The following GRIA2 variants were observed in gnomAD, a reference collection of about 807,000 sequenced individuals.
GRIA2 encodes the protein glutamate ionotropic receptor AMPA type subunit 2.
Under a neutral mutation model 97.3 loss-of-function variants are expected in GRIA2, and 14 were observed. The ratio of observed to expected loss-of-function variants is 0.14; its 90% CI spans 0.10 to 0.23. GRIA2 has a LOEUF of 0.23. GRIA2 is among the 10% of genes least tolerant of loss of function. The pLI is 1.00. For missense variants in GRIA2, 558 were observed against 1,069.8 expected (o/e 0.52, Z 6.67); for synonymous variants, 412 against 387.8 (o/e 1.06, Z -0.73).
intron 2 of GRIA2, among the ~76,000 whole-genome samples, chr4:157,256,180 T>C (rs1183821923): frequency 7.3e-6 from 1 of 137,644 alleles, no homozygotes; most frequent in South Asian, 2.1e-4. Flanking sequence ...ATATATTATA[T>C]ATAATATATA....
At chr4:157,332,653 G>T (rs952250541) in intron 6 of GRIA2, among the ~76,000 whole-genome samples, 166 bp from the exon 7 acceptor site, 1 of 152,012 alleles carries the variant, frequency 6.6e-6, no homozygotes, top group Admixed American at 6.6e-5. Context: ...CCCATGTTTT[G>T]TAATGCTTCT....
chr4:157,290,381 A>G (rs1265049758), intron 2 of GRIA2, among the ~76,000 whole-genome samples: 1 of 151,904 alleles, frequency 6.6e-6, no homozygotes, highest in Non-Finnish European at 1.5e-5. Flanking sequence ...GAGTAAAAGA[A>G]AGGTATACTT....
chr4:157,316,871 C>T (rs893521477), intron 4 of GRIA2, among the ~76,000 whole-genome samples: 1 of 152,218 alleles, frequency 6.6e-6, no homozygotes, highest in Non-Finnish European at 1.5e-5. Context: ...AGGACTAAAG[C>T]ATGGCCAGTT....
intron 12 of GRIA2, among the ~76,000 whole-genome samples, chr4:157,345,918 A>G (rs916093202): frequency 6.6e-6 from 1 of 152,210 alleles, no homozygotes; most frequent in Non-Finnish European, 1.5e-5. Flanking sequence ...AGATAAATTT[A>G]GTCTGATAAT....
chr4:157,241,094 T>G (rs1238804292), intron 2 of GRIA2, among the ~76,000 whole-genome samples: 2 of 152,184 alleles, frequency 1.3e-5, no homozygotes, highest in Non-Finnish European at 2.9e-5. Flanking sequence ...CACATTTTCT[T>G]AATCCAGTTC....
chr4:157,340,188 T>G (rs747433711), intron 11 of GRIA2, among the ~76,000 whole-genome samples: 62 of 151,902 alleles, frequency 4.1e-4, no homozygotes, highest in Admixed American at 3.9e-4. Flanking sequence ...GTCAGAAACT[T>G]TAGATCACAA....
At chr4:157,291,759 G>A (rs866473218) in intron 2 of GRIA2, among the ~76,000 whole-genome samples, 9 of 151,886 alleles carry the variant, frequency 5.9e-5, no homozygotes, top group Non-Finnish European at 8.8e-5. Flanking sequence ...CCAAAAGTGA[G>A]TAGAGTAAAA....
intron 2 of GRIA2, among the ~76,000 whole-genome samples, chr4:157,278,376 G>T (rs1367519813): frequency 6.6e-6 from 1 of 151,814 alleles, no homozygotes; most frequent in East Asian, 1.9e-4. Context: ...ATGGGCAAAG[G>T]TAGTCTTTTT....
chr4:157,333,464 G>T, intron 8 of GRIA2, 111 bp downstream of exon 8: 1 of 481,000 alleles, frequency 2.1e-6, no homozygotes. Context: ...AGAGTTTAAC[G>T]ACTTCCAGAA....
In GRIA2 at chr4:157,364,129, A is replaced by G. The variant is rs1736769354; in HGVS notation, c.*698A>G. On this transcript the variant is annotated 3_prime_UTR_variant, in exon 16 of 16. Coordinates refer to ENST00000264426, the MANE Select transcript of GRIA2 (RefSeq NM_001083619.3). ...GATTCCATATTTTTCAAAGCCAAAT[A>G]TGTAAATGCTAAGGAAAGTAAACAA... 1 of 152,508 alleles carries G rather than the reference A, an allele frequency of 6.6e-6. No homozygotes were observed. Among genetic ancestry groups the G allele is most frequent in the Non-Finnish European group, 1.5e-5 (1 of 67,986 alleles). 9.4% of individuals were successfully genotyped at this position (152,508 alleles called of 1,614,324 possible). A position where few individuals can be genotyped will look rare whatever the true frequency, so the allele number is the denominator to read the frequency against.
intron 2 of GRIA2, among the ~76,000 whole-genome samples, chr4:157,290,518 A>G (rs77013914): frequency 1.4e-5 from 2 of 146,650 alleles, no homozygotes; most frequent in African/African-American, 2.5e-5. Flanking sequence ...TTTTTTTTTA[A>G]TCCAGATTAC....
At chr4:157,264,438 T>C (rs1353450600) in intron 2 of GRIA2, among the ~76,000 whole-genome samples, 1 of 152,086 alleles carries the variant, frequency 6.6e-6, no homozygotes, top group Non-Finnish European at 1.5e-5. Flanking sequence ...ATTGTGTCTC[T>C]CTAGTACTCT....
At chr4:157,256,190 AACAT>A (rs1561013110) in intron 2 of GRIA2, among the ~76,000 whole-genome samples, 3 of 135,826 alleles carry the variant, frequency 2.2e-5, no homozygotes, top group African/African-American at 8.5e-5. Context: ...TATAATATAT[AACAT>A]ATATTACATA....
At chr4:157,256,212 T>TATATATA (rs1219364036) in intron 2 of GRIA2, among the ~76,000 whole-genome samples, 52 of 126,184 alleles carry the variant, frequency 4.1e-4, no homozygotes, top group Non-Finnish European at 5.8e-4. Flanking sequence ...ATATATATGT[T>TATATATA]ATATATAATA....
intron 2 of GRIA2, among the ~76,000 whole-genome samples, chr4:157,275,213 T>A (rs1230800651): frequency 6.6e-6 from 1 of 152,116 alleles, no homozygotes; most frequent in East Asian, 1.9e-4. Context: ...TTTGATGAGT[T>A]TGTTTGTTTT....
At chr4:157,252,525 T>A (rs1731061411) in intron 2 of GRIA2, among the ~76,000 whole-genome samples, 1 of 152,124 alleles carries the variant, frequency 6.6e-6, no homozygotes, top group South Asian at 2.1e-4. Flanking sequence ...ATTTTCCCAA[T>A]AATTAAAGGC....
At chr4:157,348,245 G>C (rs1442879857) in intron 12 of GRIA2, among the ~76,000 whole-genome samples, 1 of 152,088 alleles carries the variant, frequency 6.6e-6, no homozygotes, top group Non-Finnish European at 1.5e-5. Flanking sequence ...ATTTTCATAG[G>C]GAAATGATCT....
intron 13 of GRIA2, chr4:157,360,576 A>G (rs967846413): frequency 4.7e-5 from 19 of 404,058 alleles, no homozygotes; most frequent in Non-Finnish European, 4.8e-6. Flanking sequence ...CCACTTTTTA[A>G]TTTTCATTTT....
intron 12 of GRIA2, among the ~76,000 whole-genome samples, chr4:157,353,391 C>A (rs955349675): frequency 6.6e-6 from 1 of 151,298 alleles, no homozygotes; most frequent in South Asian, 2.1e-4. Flanking sequence ...TATAGTTGGC[C>A]AGGGCGTGGT....
Sources: gnomAD v4.1 joint callset for allele counts (sites outside exome capture counted in the v4.1 genomes callset) on GRCh38, gnomAD v4.1.1 for gene constraint, MANE v1.5 for transcripts, NCBI Gene and HGNC (gene_info 2026-07-23, HGNC 2026-07-21) for gene names.